Variants in DACH2 observed in about 807,000 individuals in gnomAD.
DACH2 encodes the protein dachshund family transcription factor 2.
DACH2 carries 17 observed loss-of-function variants against 35.8 expected under a neutral mutation model. The ratio of observed to expected loss-of-function variants is 0.48; its 90% CI spans 0.33 to 0.71. The LOEUF (loss-of-function observed/expected upper bound fraction) is 0.71. Among genes scored for constraint, DACH2 ranks in the 30% least tolerant of loss-of-function variants. The pLI is 0.02. For missense variants in DACH2, 469 were observed against 472.7 expected (o/e 0.99, Z 0.07); for synonymous variants, 195 against 177.3 (o/e 1.10, Z -0.79).
At chrX:86,367,831 G>A (rs1189360832) in intron 1 of DACH2, among the ~76,000 whole-genome samples, 1 of 111,629 alleles carries the variant, frequency 9.0e-6, no homozygotes, top group Non-Finnish European at 1.9e-5. Context: ...GTTCTCCTTT[G>A]TTCCATTCTG....
At chrX:86,417,786 A>G (rs966044061) in intron 2 of DACH2, among the ~76,000 whole-genome samples, 36 of 111,378 alleles carry the variant, frequency 3.2e-4, no homozygotes, top group African/African-American at 1.1e-3. Flanking sequence ...ACAGTCACCC[A>G]AAGTCTTAAC....
chrX:86,482,259 C>A (rs1007072943), intron 2 of DACH2, among the ~76,000 whole-genome samples: 1 of 111,743 alleles, frequency 8.9e-6, no homozygotes, highest in Non-Finnish European at 1.9e-5. Flanking sequence ...CTTTGTAACC[C>A]ATAAATTTAT....
chrX:86,194,922 C>G (rs2031937277), intron 1 of DACH2, among the ~76,000 whole-genome samples: 1 of 112,499 alleles, frequency 8.9e-6, no homozygotes, highest in Non-Finnish European at 1.9e-5. Flanking sequence ...TCCCGGGGCC[C>G]CATCCTGGCC....
At chrX:86,583,989 A>G (rs923854499) in intron 3 of DACH2, among the ~76,000 whole-genome samples, 4 of 111,237 alleles carry the variant, frequency 3.6e-5, no homozygotes, top group African/African-American at 9.8e-5. Context: ...AGAAGAGATT[A>G]TATAGAATTG....
At chrX:86,337,920 C>G (rs1473837820) in intron 1 of DACH2, among the ~76,000 whole-genome samples, 1 of 97,594 alleles carries the variant, frequency 1.0e-5, no homozygotes, top group East Asian at 3.1e-4. Flanking sequence ...GACCTAGTCT[C>G]TGATAAAATA....
chrX:86,808,109 T>C (rs1248515111), intron 7 of DACH2, among the ~76,000 whole-genome samples: 1 of 112,004 alleles, frequency 8.9e-6, no homozygotes, highest in Non-Finnish European at 1.9e-5. Context: ...CTATGCCACA[T>C]GAACATGATT....
At chrX:86,507,940 A>G (rs756164584) in intron 2 of DACH2, among the ~76,000 whole-genome samples, 1 of 111,631 alleles carries the variant, frequency 9.0e-6, no homozygotes, top group Non-Finnish European at 1.9e-5. Context: ...ACATATTATG[A>G]TGGAACAAAA....
intron 6 of DACH2, among the ~76,000 whole-genome samples, chrX:86,719,236 A>G (rs769853042): frequency 8.9e-6 from 1 of 111,821 alleles, no homozygotes; most frequent in South Asian, 3.7e-4. Flanking sequence ...GCTGTTGTAA[A>G]TGGGATTGTT....
chrX:86,234,402 TACTAC>T lies in DACH2; in HGVS notation c.488+85295_488+85299del, dbSNP rs1256436102. ...AAATACTCAATATTCTCTAAACACA[TACTAC>T]TCTCTACCAAAATATTACACTGGTC... On this transcript the variant is annotated intron_variant, in intron 1 of 11. Transcript: ENST00000373125. Among the ~76,000 whole-genome samples, 4 of 111,234 alleles carry T rather than the reference TACTAC, an allele frequency of 3.6e-5. No individual in the cohort carries two copies. In the Admixed American group the frequency reaches 3.8e-4, roughly 11 times the overall value.
At chrX:86,407,569 G>T (rs1406430247) in intron 2 of DACH2, among the ~76,000 whole-genome samples, 3 of 112,150 alleles carry the variant, frequency 2.7e-5, no homozygotes, top group Non-Finnish European at 5.6e-5. Context: ...ATTGAATTTT[G>T]AACTGTATTC....
chrX:86,358,494 G>T (rs1465443982), intron 1 of DACH2, among the ~76,000 whole-genome samples: 3 of 107,060 alleles, frequency 2.8e-5, no homozygotes, highest in Admixed American at 1.0e-4. Flanking sequence ...CCCAGAGAGA[G>T]CTGGGCAGCA....
intron 3 of DACH2, among the ~76,000 whole-genome samples, chrX:86,578,298 T>C (rs1472370889): frequency 1.9e-5 from 2 of 107,766 alleles, no homozygotes; most frequent in Non-Finnish European, 3.8e-5. Context: ...TGTTCATTGT[T>C]GTGTGGTGTG....
intron 1 of DACH2, among the ~76,000 whole-genome samples, chrX:86,370,548 G>A (rs2035872144): frequency 1.8e-5 from 2 of 110,983 alleles, no homozygotes; most frequent in South Asian, 7.5e-4. Flanking sequence ...GAACCCCTAT[G>A]CAGATCAAAG....
chrX:86,638,075 T>G (rs1344229113), intron 3 of DACH2, among the ~76,000 whole-genome samples: 1 of 110,729 alleles, frequency 9.0e-6, no homozygotes, highest in Non-Finnish European at 1.9e-5. Context: ...CAGAGATCAG[T>G]GGAACAGAAT....
chrX:86,388,906 C>G (rs1370781746), intron 2 of DACH2, among the ~76,000 whole-genome samples: 1 of 111,506 alleles, frequency 9.0e-6, no homozygotes, highest in Non-Finnish European at 1.9e-5. Flanking sequence ...GTTATTCACA[C>G]TCTGAAATAG....
At chrX:86,733,485 T>C (rs1203724612) in intron 6 of DACH2, among the ~76,000 whole-genome samples, 2 of 111,892 alleles carry the variant, frequency 1.8e-5, no homozygotes, top group Non-Finnish European at 3.8e-5. Flanking sequence ...AATTGCATTA[T>C]GATCATTAGG....
At chrX:86,487,224 A>T (rs1472297838) in intron 2 of DACH2, among the ~76,000 whole-genome samples, 1 of 111,940 alleles carries the variant, frequency 8.9e-6, no homozygotes, top group Non-Finnish European at 1.9e-5. Context: ...AACTATGGGC[A>T]CATTGGAATT....
intron 2 of DACH2, among the ~76,000 whole-genome samples, chrX:86,420,280 C>T (rs2036780122): frequency 8.9e-6 from 1 of 112,073 alleles, no homozygotes; most frequent in Admixed American, 9.5e-5. Flanking sequence ...TTATTATGCT[C>T]TAGGTTCCTG....
chrX:86,686,903 G>T (rs1274379738), intron 4 of DACH2, among the ~76,000 whole-genome samples: 1 of 111,817 alleles, frequency 8.9e-6, no homozygotes, highest in Non-Finnish European at 1.9e-5. Context: ...GCTTTAAAGT[G>T]GCACTCAGGG....
Sources: gnomAD v4.1 joint callset for allele counts (sites outside exome capture counted in the v4.1 genomes callset) on GRCh38, gnomAD v4.1.1 for gene constraint, MANE v1.5 for transcripts, NCBI Gene and HGNC (gene_info 2026-07-23, HGNC 2026-07-21) for gene names.